SLCO6A1: variants seen among roughly 807,000 people sequenced by gnomAD.
SLCO6A1 encodes cancer/testis antigen 48.
SLCO6A1 carries 65 observed loss-of-function variants against 72.7 expected under a neutral mutation model. That is an observed-to-expected ratio of 0.89 (90% CI 0.73 to 1.10). SLCO6A1 has a LOEUF of 1.10. Ranked by LOEUF, SLCO6A1 falls within the 50% of genes least tolerant of loss-of-function variation. The pLI, the probability that SLCO6A1 is intolerant of heterozygous loss-of-function variation, is 0.00. For synonymous variants in SLCO6A1, 314 were observed against 298.2 expected (o/e 1.05, Z -0.55); for missense variants, 874 against 872.6 (o/e 1.00, Z -0.02).
At chr5:102,377,412 A>T (rs983850992) in intron 12 of SLCO6A1, among the ~76,000 whole-genome samples, 2 of 152,112 alleles carry the variant, frequency 1.3e-5, no homozygotes, top group Non-Finnish European at 2.9e-5. Flanking sequence ...ATAAATTTCT[A>T]GACCAAATAA....
intron 8 of SLCO6A1, among the ~76,000 whole-genome samples, chr5:102,418,952 T>C (rs1156470083): frequency 2.0e-5 from 3 of 152,130 alleles, no homozygotes; most frequent in Admixed American, 6.6e-5. Flanking sequence ...TCTGATACCA[T>C]GGCCTTTCTA....
intron 1 of SLCO6A1, among the ~76,000 whole-genome samples, chr5:102,488,639 A>T (rs939254427): frequency 1.3e-5 from 2 of 152,238 alleles, no homozygotes; most frequent in African/African-American, 4.8e-5. Flanking sequence ...AAGAAAACCC[A>T]AACAGATAAT....
intron 7 of SLCO6A1, among the ~76,000 whole-genome samples, chr5:102,430,173 T>C (rs1451033987): frequency 2.6e-5 from 4 of 152,100 alleles, no homozygotes; most frequent in African/African-American, 9.7e-5. Flanking sequence ...ACTTTGCTGA[T>C]GGCTGTTTCT....
intron 8 of SLCO6A1, among the ~76,000 whole-genome samples, chr5:102,415,863 C>A (rs1467798617): frequency 1.3e-5 from 2 of 151,918 alleles, no homozygotes; most frequent in African/African-American, 4.8e-5. Context: ...TAAACAAAAA[C>A]CCCCACAAAT....
chr5:102,481,716 C>A (rs1374962429), intron 1 of SLCO6A1, among the ~76,000 whole-genome samples: 2 of 152,156 alleles, frequency 1.3e-5, no homozygotes, highest in Non-Finnish European at 2.9e-5. Flanking sequence ...TAATGTATCA[C>A]AATTATCATT....
At chr5:102,405,017 C>T (rs557315541) in intron 9 of SLCO6A1, among the ~76,000 whole-genome samples, 1 of 152,198 alleles carries the variant, frequency 6.6e-6, no homozygotes, top group African/African-American at 2.4e-5. Context: ...AACACAGGAA[C>T]ATGAATTTAA....
At position 102,498,556 on chromosome 5, in the gene SLCO6A1, T is replaced by G; in HGVS notation, c.289A>C (p.Thr97Pro). ...ATGTTATTGCAACACTCACAGCAGG[T>G]GCTGACTAAGCAGCCCAAACCACAG... ...QPCGLGCLVS[T>P]CCECCNNIRC... Residue 97 changes from threonine (T) to proline (P), a missense_variant, in exon 1 of 14, where the codon ACC becomes CCC. Thr to Pro is a conservative substitution (Grantham distance 38, BLOSUM62 -1). Coordinates refer to ENST00000506729, the MANE Select transcript of SLCO6A1 (RefSeq NM_173488.5). 1 of 1,614,248 alleles carries G rather than the reference T, an allele frequency of 6.2e-7. No homozygotes were observed. Among genetic ancestry groups the G allele is most frequent in the Non-Finnish European group, 8.5e-7 (1 of 1,180,036 alleles).
intron 6 of SLCO6A1, among the ~76,000 whole-genome samples, chr5:102,448,824 C>A (rs558713702): frequency 6.6e-6 from 1 of 152,244 alleles, no homozygotes; most frequent in South Asian, 2.1e-4. Flanking sequence ...TATTATCCGA[C>A]TCGACGGTCT....
chr5:102,385,626 GTGT>G (rs1158770662), intron 12 of SLCO6A1, among the ~76,000 whole-genome samples: 1 of 151,816 alleles, frequency 6.6e-6, no homozygotes, highest in Non-Finnish European at 1.5e-5. Flanking sequence ...TTTAATTATT[GTGT>G]TATTTAGCTC....
chr5:102,480,212 T>C lies in SLCO6A1; in HGVS notation c.581A>G (p.Asn194Ser), dbSNP rs1379511862. The change falls in exon 2 of 14, where the codon AAT becomes AGT. Residue 194 changes from asparagine to serine, a missense_variant. By Grantham distance (46) the Asn-to-Ser change is conservative. Coordinates refer to ENST00000506729, the MANE Select transcript of SLCO6A1 (RefSeq NM_173488.5). ...GSLLCAFPSI[N>S]EENKQSKVGI... ...TACCTTACTTTGTTTATTTTCTTCA[T>C]TAATGGATGGAAAAGCACATAAAAG... 2 of 1,611,502 alleles carry C rather than the reference T, an allele frequency of 1.2e-6. No individual in the cohort carries two copies. The highest frequency in any genetic ancestry group is 1.1e-5 in the South Asian group (1 of 90,764).
intron 6 of SLCO6A1, among the ~76,000 whole-genome samples, chr5:102,443,602 T>TA (rs1749957073): frequency 1.3e-5 from 2 of 152,284 alleles, no homozygotes; most frequent in East Asian, 3.9e-4. Context: ...CAGTTTTGGC[T>TA]AAAACATTTG....
intron 1 of SLCO6A1, among the ~76,000 whole-genome samples, chr5:102,482,262 C>A (rs1401222777): frequency 6.6e-6 from 1 of 151,956 alleles, no homozygotes; most frequent in East Asian, 1.9e-4. Flanking sequence ...AAATAAAAAA[C>A]CAGAACATAT....
At chr5:102,400,864 AT>A (rs1037928925) in intron 9 of SLCO6A1, among the ~76,000 whole-genome samples, 12 of 151,972 alleles carry the variant, frequency 7.9e-5, no homozygotes, top group Admixed American at 5.2e-4. Flanking sequence ...TCCACCAAAT[AT>A]TTTTTTGAGT....
chr5:102,392,406 T>G (rs1455344359), intron 10 of SLCO6A1, among the ~76,000 whole-genome samples: 1 of 152,024 alleles, frequency 6.6e-6, no homozygotes, highest in East Asian at 1.9e-4. Context: ...GTTGCCTAAT[T>G]ATAATTCAGT....
At chr5:102,402,916 G>A (rs1306081196) in intron 9 of SLCO6A1, among the ~76,000 whole-genome samples, 1 of 151,986 alleles carries the variant, frequency 6.6e-6, no homozygotes, top group Non-Finnish European at 1.5e-5. Context: ...TAGTTTCTAA[G>A]TTACTAATAT....
intron 4 of SLCO6A1, among the ~76,000 whole-genome samples, chr5:102,460,670 T>A (rs554814587): frequency 6.6e-6 from 1 of 152,020 alleles, no homozygotes; most frequent in South Asian, 2.1e-4. Context: ...AATGCTCACA[T>A]CCACAGAAAC....
chr5:102,498,611 C>G lies in SLCO6A1; in HGVS notation c.234G>C (p.Pro78=), dbSNP rs117774079. ...GCTCCAAACTGTCATCCACTTCTCC[C>G]GGCTTCTTGGAAACTGAGGACTTGG... The part of the protein sequence containing the change: ...KKAKSSVSKK[P]GEVDDSLEQP... Residue 78 remains proline, a synonymous_variant, in exon 1 of 14, where the codon CCG becomes CCC. Coordinates refer to ENST00000506729, the MANE Select transcript of SLCO6A1 (RefSeq NM_173488.5). 6.2e-7 allele frequency: 1 copy of G among 1,614,120 alleles called. No homozygotes were observed. The highest frequency in any genetic ancestry group is 1.3e-5 in the African/African-American group (1 of 74,944).
At chr5:102,416,075 T>C (rs1012846979) in intron 8 of SLCO6A1, among the ~76,000 whole-genome samples, 13 of 152,042 alleles carry the variant, frequency 8.6e-5, no homozygotes, top group African/African-American at 2.9e-4. Context: ...AGAAAAGATA[T>C]GGAGAAAAGG....
chr5:102,412,210 A>G (rs560506080), intron 9 of SLCO6A1, among the ~76,000 whole-genome samples: 4 of 151,922 alleles, frequency 2.6e-5, no homozygotes, highest in South Asian at 2.1e-4. Flanking sequence ...GATCAAACCA[A>G]TGTATTTCTC....
Sources: gnomAD v4.1 joint callset for allele counts (sites outside exome capture counted in the v4.1 genomes callset) on GRCh38, gnomAD v4.1.1 for gene constraint, MANE v1.5 for transcripts, NCBI Gene and HGNC (gene_info 2026-07-23, HGNC 2026-07-21) for gene names.